Variants in CREBBP observed in about 807,000 individuals in gnomAD.
CREBBP encodes CREB-binding protein.
CREBBP carries 19 observed loss-of-function variants against 265.0 expected under a neutral mutation model. The observed-to-expected ratio is 0.07, with a 90% CI of 0.05 to 0.11. The LOEUF (loss-of-function observed/expected upper bound fraction) is 0.11. Ranked by LOEUF, CREBBP falls within the 10% of genes least tolerant of loss-of-function variation. The pLI is 1.00. For synonymous variants in CREBBP, 1,457 were observed against 1,223.7 expected (o/e 1.19, Z -3.98); for missense variants, 2,525 against 3,219.0 (o/e 0.78, Z 5.22).
At chr16:3,771,060 A>T (rs919076432) in intron 13 of CREBBP, 74 bp from the exon 14 acceptor site, 1 of 1,576,962 alleles carries the variant, frequency 6.3e-7, no homozygotes, top group African/African-American at 1.4e-5. Flanking sequence ...TGAAAAATTA[A>T]ATGTATGAAA....
chr16:3,810,388 A>G (rs2141345571), intron 3 of CREBBP, among the ~76,000 whole-genome samples: 1 of 152,284 alleles, frequency 6.6e-6, no homozygotes, highest in Non-Finnish European at 1.5e-5. Flanking sequence ...GCCTGGGAAG[A>G]GCGGCTGAAT....
In CREBBP at chr16:3,729,695, C is replaced by T. The variant is rs760349635; in HGVS notation, c.5352G>A (p.Gln1784=). 1 of 1,612,646 alleles carries T rather than the reference C, an allele frequency of 6.2e-7. No individual in the cohort carries two copies. The highest frequency in any genetic ancestry group is 1.1e-5 in the South Asian group (1 of 91,058). The change falls in exon 31 of 31, where the codon CAG becomes CAA. Residue 1784 remains glutamine, a synonymous_variant. Transcript: ENST00000262367. ...RCIQSLVHAC[Q]CRNANCSLPS... Reference sequence around the variant, plus strand: ...GCAGCGAGCAGTTGGCGTTGCGGCACTGGCACGCGTGCACCAGCGACTGGA... The same window carrying T: ...GCAGCGAGCAGTTGGCGTTGCGGCATTGGCACGCGTGCACCAGCGACTGGA...
intron 15 of CREBBP, 46 bp downstream of exon 15, chr16:3,769,128 A>G (rs1327539426): frequency 8.7e-6 from 14 of 1,608,860 alleles, no homozygotes; most frequent in East Asian, 6.7e-5. Flanking sequence ...ACACCTGGGT[A>G]AAGTTGCGAT....
intron 16 of CREBBP, among the ~76,000 whole-genome samples, chr16:3,764,023 A>C (rs886090261): frequency 3.9e-5 from 6 of 152,118 alleles, no homozygotes; most frequent in African/African-American, 1.4e-4. Context: ...AAGCAAAAAC[A>C]AAGGAAAAGA....
chr16:3,761,878 T>G (rs1165980292), intron 16 of CREBBP, among the ~76,000 whole-genome samples: 1 of 152,192 alleles, frequency 6.6e-6, no homozygotes, highest in African/African-American at 2.4e-5. Context: ...ATGTAACAAA[T>G]AGCCTTTTGA....
rs2151318456 is a variant in CREBBP at position 3,731,722 on chromosome 16, T to G, written c.4890+54A>C. On this transcript the variant is annotated intron_variant, in intron 29 of 30. Transcript: ENST00000262367. This position sits in a 1 kb window ranked among gnomAD's most constrained non-coding sequence, Gnocchi z 7.7. Reference sequence around the variant, plus strand: ...CGGGCCCACGCCCGCCAGCTGCGAGTCTTTCCCTCCTCCCGGCCAGAGGCA... The same window carrying G: ...CGGGCCCACGCCCGCCAGCTGCGAGGCTTTCCCTCCTCCCGGCCAGAGGCA... The G allele has an allele frequency of 6.2e-7, 1 of 1,611,620 alleles. No individual in the cohort carries two copies. Among genetic ancestry groups the G allele is most frequent in the Non-Finnish European group, 8.5e-7 (1 of 1,178,386 alleles).
intron 2 of CREBBP, among the ~76,000 whole-genome samples, 167 bp from the exon 3 acceptor site, chr16:3,810,946 T>C (rs1389969841): frequency 2.0e-5 from 3 of 151,934 alleles, no homozygotes; most frequent in Non-Finnish European, 4.4e-5. Context: ...AAGCAGCTCC[T>C]AGCAGCCACT....
intron 20 of CREBBP, among the ~76,000 whole-genome samples, chr16:3,751,193 G>A (rs1466295441): frequency 1.3e-5 from 2 of 152,194 alleles, no homozygotes; most frequent in African/African-American, 2.4e-5. Flanking sequence ...CAGTACCACC[G>A]CCTTGAATGA....
chr16:3,809,697 T>C (rs2053898551), intron 3 of CREBBP, among the ~76,000 whole-genome samples: 1 of 152,180 alleles, frequency 6.6e-6, no homozygotes, highest in African/African-American at 2.4e-5. Context: ...GGAAGCTGGA[T>C]GAGGTGAAAG....
At chr16:3,849,477 GT>G (rs2054776951) in intron 2 of CREBBP, among the ~76,000 whole-genome samples, 1 of 121,860 alleles carries the variant, frequency 8.2e-6, no homozygotes, top group Non-Finnish European at 1.7e-5. Flanking sequence ...GTGTGTGTGT[GT>G]GTGTGTGTGT....
chr16:3,845,679 A>C (rs1213098543), intron 2 of CREBBP, among the ~76,000 whole-genome samples: 1 of 152,134 alleles, frequency 6.6e-6, no homozygotes, highest in African/African-American at 2.4e-5. Context: ...TGAGCTCAGG[A>C]GTTCAGGACC....
chr16:3,839,914 T>C lies in CREBBP; in HGVS notation c.798+10383A>G, dbSNP rs187547650. Among the ~76,000 whole-genome samples, 23 of 152,240 alleles carry C rather than the reference T, an allele frequency of 1.5e-4. No individual in the cohort carries two copies. The East Asian group carries it at 3.7e-3, about 24-fold the overall frequency. The stretch of plus-strand genomic sequence containing the variant: ...AAAAGAAATTCATGATTAATTATCA[T>C]GGGAAGGTAGGTACATCCTGAATCA... On this transcript the variant is annotated intron_variant, in intron 2 of 30. Transcript: ENST00000262367.
chr16:3,868,176 AACAG>A (rs1270525132), intron 1 of CREBBP, among the ~76,000 whole-genome samples: 4 of 152,190 alleles, frequency 2.6e-5, no homozygotes, highest in Non-Finnish European at 5.9e-5. Flanking sequence ...TGACCCCAGA[AACAG>A]ACAGGAGGAA....
rs138965795 is a variant in CREBBP at position 3,757,024 on chromosome 16, C to T, written c.3698+264G>A. ...TGACTAACAAGACACTGAAACCGAG[C>T]CACTTTTTCTCTTTTTTTTTCTTTT... is the stretch of plus-strand genomic sequence containing the variant. On this transcript the variant is annotated intron_variant, in intron 19 of 30. Coordinates refer to ENST00000262367, the MANE Select transcript of CREBBP (RefSeq NM_004380.3). Among the ~76,000 whole-genome samples, 1,439 of 152,224 alleles carry T rather than the reference C, an allele frequency of 9.5e-3. 17 individuals are homozygous for T. The highest frequency in any genetic ancestry group is 0.011 in the Non-Finnish European group (782 of 68,022).
intron 1 of CREBBP, among the ~76,000 whole-genome samples, chr16:3,855,577 T>G (rs1327711774): frequency 6.6e-6 from 1 of 152,170 alleles, no homozygotes; most frequent in Non-Finnish European, 1.5e-5. Context: ...AACTGACATT[T>G]TTGAAGAATA....
At chr16:3,811,668 A>C (rs573795238) in intron 2 of CREBBP, among the ~76,000 whole-genome samples, 174 of 151,704 alleles carry the variant, frequency 1.1e-3, no homozygotes, top group African/African-American at 4.1e-3. Flanking sequence ...ATTTTTTTGT[A>C]TTTTTAGTAG....
chr16:3,815,897 T>C (rs766520368), intron 2 of CREBBP, among the ~76,000 whole-genome samples: 1 of 152,104 alleles, frequency 6.6e-6, no homozygotes, highest in Non-Finnish European at 1.5e-5. Context: ...TCTTATTCAT[T>C]CTTTTTTTTT....
chr16:3,836,205 G>A (rs1178810078), intron 2 of CREBBP, among the ~76,000 whole-genome samples: 1 of 151,906 alleles, frequency 6.6e-6, no homozygotes, highest in African/African-American at 2.4e-5. Context: ...GGAGGCTGAG[G>A]TGGGCGGATC....
chr16:3,728,391 G>A lies in CREBBP; in HGVS notation c.6656C>T (p.Ala2219Val), dbSNP rs150461438. ...CCCCGCCATGCCCCCAGCCATGCCG[G>A]CACTCCCTTGCTGCTGCTGCTGTTG... is the stretch of plus-strand genomic sequence containing the variant. ...QQQQQQQQGS[A>V]GMAGGMAGHG... The change falls in exon 31 of 31, where the codon GCC becomes GTC. Residue 2219 changes from alanine to valine, a missense_variant. By Grantham distance (64) the Ala-to-Val change is moderately conservative. Transcript: ENST00000262367. This position sits in a 1 kb window ranked among gnomAD's most constrained non-coding sequence, Gnocchi z 8.7. 393 of 1,613,364 alleles carry A rather than the reference G, an allele frequency of 2.4e-4. No homozygotes were observed. The highest frequency in any genetic ancestry group is 3.2e-4 in the Non-Finnish European group (382 of 1,179,730).
Sources: gnomAD v4.1 joint callset for allele counts (sites outside exome capture counted in the v4.1 genomes callset) on GRCh38, gnomAD v4.1.1 for gene constraint, Gnocchi (gnomAD v3.1) non-coding constraint, MANE v1.5 for transcripts, NCBI Gene and HGNC (gene_info 2026-07-23, HGNC 2026-07-21) for gene names.